Variants in PCDH11Y observed in about 807,000 individuals in gnomAD.
The protein encoded by PCDH11Y is protocadherin 11 Y-linked, also known as protocadherin-11 Y-linked.
For missense variants in PCDH11Y, 12 were observed against 224.8 expected, an observed-to-expected ratio of 0.05 and a Z score of 6.05; for synonymous variants, 9 against 83.6, an observed-to-expected ratio of 0.11 and a Z score of 4.87.
intron 2 of PCDH11Y, among the ~76,000 whole-genome samples, chrY:5,228,331 A>G: frequency 1.1e-4 from 3 of 28,247 alleles, no homozygotes; most frequent in African/African-American, 4.1e-4. Context: ...TTTTTTTCTT[A>G]GTCTGAATAA....
chrY:5,149,417 G>T (rs2052861288), intron 2 of PCDH11Y, among the ~76,000 whole-genome samples: 1 of 30,606 alleles, frequency 3.3e-5, no homozygotes. Flanking sequence ...TTTCTTTCTT[G>T]GTATAGAAGG....
At chrY:5,064,250 T>A in intron 1 of PCDH11Y, among the ~76,000 whole-genome samples, 1 of 22,950 alleles carries the variant, frequency 4.4e-5, no homozygotes, top group African/African-American at 1.6e-4. Context: ...AGTTTTGGAT[T>A]TTCTAACCTA....
intron 4 of PCDH11Y, among the ~76,000 whole-genome samples, chrY:5,667,686 C>T (rs2053546004): frequency 3.0e-5 from 1 of 33,385 alleles, no homozygotes; most frequent in Non-Finnish European, 7.4e-5. Context: ...TGAGCCATCG[C>T]ACACAGCCCC....
chrY:5,577,395 T>C, intron 3 of PCDH11Y, among the ~76,000 whole-genome samples: 1 of 33,042 alleles, frequency 3.0e-5, no homozygotes, highest in South Asian at 6.9e-4. Flanking sequence ...TCTGGTATTA[T>C]GGCACTGCAT....
At chrY:5,528,123 G>C (rs1388609607) in intron 3 of PCDH11Y, among the ~76,000 whole-genome samples, 2,670 of 31,758 alleles carry the variant, frequency 0.084, no homozygotes, top group Non-Finnish European at 0.03. Flanking sequence ...TATCTTTGAG[G>C]ACAGTGTATA....
At chrY:5,673,194 A>T in intron 4 of PCDH11Y, among the ~76,000 whole-genome samples, 2 of 32,764 alleles carry the variant, frequency 6.1e-5, no homozygotes, top group Admixed American at 5.7e-4. Context: ...GTTTTACTCA[A>T]ATTGGAAGAA....
intron 4 of PCDH11Y, among the ~76,000 whole-genome samples, chrY:5,691,135 A>G (rs2053567317): frequency 3.0e-5 from 1 of 33,614 alleles, no homozygotes; most frequent in Non-Finnish European, 7.4e-5. Flanking sequence ...ACAATGAAAC[A>G]ATAAAATTTT....
At chrY:5,225,952 T>G (rs2052959815) in intron 2 of PCDH11Y, among the ~76,000 whole-genome samples, 2 of 29,571 alleles carry the variant, frequency 6.8e-5, no homozygotes, top group Non-Finnish European at 1.6e-4. Context: ...AATCTTTTGC[T>G]CATTTTTTGA....
At chrY:5,716,046 C>A in intron 4 of PCDH11Y, among the ~76,000 whole-genome samples, 1 of 32,050 alleles carries the variant, frequency 3.1e-5, no homozygotes, top group Non-Finnish European at 7.6e-5. Context: ...CATTCAATAC[C>A]CCTTAATGAG....
intron 4 of PCDH11Y, among the ~76,000 whole-genome samples, chrY:5,612,617 A>G: frequency 3.1e-5 from 1 of 32,673 alleles, no homozygotes; most frequent in East Asian, 8.2e-4. Flanking sequence ...AATAAAGTAC[A>G]ATTTTCTTAA....
chrY:5,209,574 A>G (rs2052936164), intron 2 of PCDH11Y, among the ~76,000 whole-genome samples: 1 of 32,613 alleles, frequency 3.1e-5, no homozygotes, highest in Admixed American at 2.8e-4. Flanking sequence ...CAACATCATC[A>G]CTAGGGCAAC....
intron 4 of PCDH11Y, among the ~76,000 whole-genome samples, chrY:5,595,099 G>A: frequency 4.4e-5 from 1 of 22,580 alleles, no homozygotes. Flanking sequence ...CTGGGGGCCA[G>A]GAACGAGTCC....
chrY:5,507,468 A>G (rs2053359947), intron 3 of PCDH11Y, among the ~76,000 whole-genome samples: 3 of 33,242 alleles, frequency 9.0e-5, no homozygotes, highest in Admixed American at 2.8e-4. Context: ...ATAATCTTTA[A>G]ACAATTATAG....
At chrY:5,327,009 G>C in intron 2 of PCDH11Y, among the ~76,000 whole-genome samples, 1 of 32,969 alleles carries the variant, frequency 3.0e-5, no homozygotes, top group African/African-American at 1.2e-4. Flanking sequence ...AGGAGTTGTT[G>C]TTTTGTAAGG....
chrY:5,035,675 C>A (rs1192189474), intron 3 of PCDH11Y, among the ~76,000 whole-genome samples: 14 of 32,132 alleles, frequency 4.4e-4, no homozygotes, highest in Admixed American at 1.5e-3. Flanking sequence ...TAACATGTTC[C>A]CTGTTTTATC....
chrY:5,474,734 A>G, intron 2 of PCDH11Y, among the ~76,000 whole-genome samples: 1 of 32,699 alleles, frequency 3.1e-5, no homozygotes, highest in Admixed American at 2.8e-4. Context: ...TAGATATTAC[A>G]CTAAATATGT....
intron 2 of PCDH11Y, among the ~76,000 whole-genome samples, chrY:5,146,168 C>G: frequency 3.0e-5 from 1 of 33,763 alleles, no homozygotes; most frequent in Non-Finnish European, 7.4e-5. Context: ...CTAGGTTGTG[C>G]GTTCCTTGTA....
At chrY:5,698,324 T>C in intron 4 of PCDH11Y, among the ~76,000 whole-genome samples, 1 of 33,274 alleles carries the variant, frequency 3.0e-5, no homozygotes, top group Middle Eastern at 0.014. Context: ...AGTATCTTAC[T>C]GGGGTTCTCC....
At chrY:5,105,836 C>T (rs2052791606), downstream of PCDH11Y, among the ~76,000 whole-genome samples, 1 of 32,209 alleles carries the variant, frequency 3.1e-5, no homozygotes, top group African/African-American at 1.2e-4. Context: ...TAATTCCAGT[C>T]ATATGAGGGT....
Sources: allele counts gnomAD v4.1 joint callset (sites outside exome capture counted in the v4.1 genomes callset), GRCh38; gene constraint gnomAD v4.1.1; transcripts MANE v1.5; gene names NCBI Gene and HGNC (gene_info 2026-07-23, HGNC 2026-07-21).